The following USP54 variants were observed in gnomAD, a reference collection of about 807,000 sequenced individuals.
The protein encoded by USP54 is ubiquitin specific peptidase 54.
In USP54, 87 loss-of-function variants were observed where a neutral mutation model predicts 170.5. That is an observed-to-expected ratio of 0.51 (90% CI 0.43 to 0.61). USP54 has a LOEUF of 0.61. Ranked by LOEUF, USP54 falls within the 20% of genes least tolerant of loss-of-function variation. The pLI is 0.00. For synonymous variants in USP54, 655 were observed against 742.8 expected, an observed-to-expected ratio of 0.88 and a Z score of 1.92; for missense variants, 1,786 against 2,047.8, an observed-to-expected ratio of 0.87 and a Z score of 2.47.
At chr10:73,537,051 A>G (rs374434342) in intron 10 of USP54, among the ~76,000 whole-genome samples, 2 of 152,218 alleles carry the variant, frequency 1.3e-5, no homozygotes, top group African/African-American at 2.4e-5. Flanking sequence ...CAGCCACAGA[A>G]TCAATTCAAC....
chr10:73,598,050 A>G (rs1027530786), intron 1 of USP54, among the ~76,000 whole-genome samples: 5 of 152,062 alleles, frequency 3.3e-5, no homozygotes, highest in Non-Finnish European at 5.9e-5. Flanking sequence ...ACGCCACTGC[A>G]CTCCAGCCTG....
chr10:73,574,788 G>A (rs936694111), intron 3 of USP54, among the ~76,000 whole-genome samples: 9 of 151,264 alleles, frequency 5.9e-5, no homozygotes, highest in Non-Finnish European at 1.2e-4. Context: ...GAGCCCTGGA[G>A]GTCAAGGCTG....
intron 7 of USP54, 124 bp downstream of exon 7, chr10:73,542,679 C>A: frequency 3.3e-6 from 3 of 920,646 alleles, no homozygotes; most frequent in Non-Finnish European, 4.9e-6. Flanking sequence ...TGCAGTAAGC[C>A]GAGATTGTGC....
intron 4 of USP54, among the ~76,000 whole-genome samples, chr10:73,567,706 C>G (rs1270854468): frequency 6.6e-6 from 1 of 152,066 alleles, no homozygotes. Context: ...AATGTTATGC[C>G]TTGATGCAAC....
Position 73,517,273 on chromosome 10 carries a change from G to C in USP54, c.3153C>G (p.His1051Gln). The C allele has an allele frequency of 1.2e-6, 2 of 1,613,864 alleles. No homozygotes were observed. The highest frequency in any genetic ancestry group is 1.7e-6 in the Non-Finnish European group (2 of 1,179,828). ...GIATSERGDE[H>Q]SLGCSPSNSS... ...AATTTGAAGGACTACAGCCTAGGCTGTGTTCATCACCCCTCTCAGAGGTGG... is the reference window on the plus strand; with the variant it reads ...AATTTGAAGGACTACAGCCTAGGCTCTGTTCATCACCCCTCTCAGAGGTGG... Residue 1051 changes from histidine (H) to glutamine (Q), a missense_variant, in exon 20 of 24, where the codon CAC becomes CAG. By Grantham distance (24) the His-to-Gln change is conservative. This residue lies in a region of USP54 where 1,418 missense variants were observed against 1,569.0 expected (regional missense o/e 0.90). Transcript: ENST00000687698.
chr10:73,619,131 T>TG lies in USP54; in HGVS notation c.-18+6435dup, dbSNP rs537110509. 2.6e-4 allele frequency among the ~76,000 whole-genome samples: 39 copies of TG among 150,502 alleles called. No individual in the cohort carries two copies. In the South Asian group the frequency reaches 7.7e-3, roughly 30 times the overall value. On this transcript the variant is annotated intron_variant, in intron 1 of 22. Coordinates refer to the USP54 transcript ENST00000339859. ...GGGAGGCTGAAGCATGGGAATCACT[T>TG]GAACCCAGGAGGTGAAGGTTGCATT... is the stretch of plus-strand genomic sequence containing the variant.
intron 1 of USP54, among the ~76,000 whole-genome samples, chr10:73,613,119 T>TGCATTCCA (rs1314431470): frequency 1.5e-4 from 22 of 148,806 alleles, no homozygotes; most frequent in African/African-American, 5.2e-4. Context: ...ACCGTGCTAC[T>TGCATTCCA]GCATTCCAGC....
At chr10:73,543,738 A>G (rs945270500) in intron 5 of USP54, among the ~76,000 whole-genome samples, 5 of 152,118 alleles carry the variant, frequency 3.3e-5, no homozygotes, top group East Asian at 1.9e-4. Flanking sequence ...CCAGTTTTAC[A>G]TGCATTCATT....
Position 73,499,334 on chromosome 10 carries a change from G to A in USP54, c.4496-146C>T, listed in dbSNP as rs537511860. ...AAAGAATGAATCAAGCTGTGCTTTTGATTCCATTTCTTAAAATTCTTAATA... is the reference window on the plus strand; with the variant it reads ...AAAGAATGAATCAAGCTGTGCTTTTAATTCCATTTCTTAAAATTCTTAATA... On this transcript the variant is annotated intron_variant, in intron 23 of 23. Coordinates refer to ENST00000687698, the MANE Select transcript of USP54 (RefSeq NM_001391956.1). 1.3e-5 allele frequency: 11 copies of A among 851,934 alleles called. No homozygotes were observed. In the African/African-American group the frequency reaches 1.7e-4, roughly 13 times the overall value. The allele number at this position is 851,934 out of a possible 1,614,324, so 52.8% of individuals were successfully genotyped here. A position where few individuals can be genotyped will look rare whatever the true frequency, so the allele number is the denominator to read the frequency against.
At chr10:73,561,123 A>G (rs867585826) in intron 4 of USP54, among the ~76,000 whole-genome samples, 297 of 151,038 alleles carry the variant, frequency 2.0e-3, no homozygotes, top group African/African-American at 6.5e-3. Flanking sequence ...AAAAAAAAAA[A>G]AAAAAGAAAT....
rs779247821 is a variant in USP54, at chr10:73,498,732, G to C, written c.4952C>G (p.Ser1651Cys). The change falls in exon 24 of 24, where the codon TCT becomes TGT. Residue 1651 changes from serine to cysteine, a missense_variant. By Grantham distance (112) the Ser-to-Cys change is moderately radical (BLOSUM62 -1). Around this residue, in one of 3 missense-constraint regions of USP54, gnomAD observed 1,418 missense variants for 1,569.0 expected, o/e 0.90. Transcript: ENST00000687698. Reference sequence around the variant, plus strand: ...CTCTCCCACTGTTCTCCTGTGTCCAGAGTGGGAGGCATAACTGCTTTGCCT... The same window carrying C: ...CTCTCCCACTGTTCTCCTGTGTCCACAGTGGGAGGCATAACTGCTTTGCCT... ...DWRQSSYASH[S>C]GHRRTVGEGF... 6.2e-6 allele frequency: 10 copies of C among 1,613,676 alleles called. No individual in the cohort carries two copies. Among genetic ancestry groups the C allele is most frequent in the Admixed American group, 5.0e-5 (3 of 59,954 alleles).
rs182023858 is a variant in USP54 at position 73,566,723 on chromosome 10, T to C, written c.240+4698A>G. Among the ~76,000 whole-genome samples, 28 of 151,518 alleles carry C rather than the reference T, an allele frequency of 1.8e-4. 1 individual carries two copies. Among genetic ancestry groups the C allele is most frequent in the African/African-American group, 6.5e-4 (27 of 41,338 alleles). The stretch of plus-strand genomic sequence containing the variant: ...TCCAGCCTGGGCGACACAGTGAGAC[T>C]CTGTCTCAAAAAAACAAACAAAAAA... On this transcript the variant is annotated intron_variant, in intron 4 of 23. Coordinates refer to ENST00000687698, the MANE Select transcript of USP54 (RefSeq NM_001391956.1).
chr10:73,514,044 T>C (rs1163328523), intron 20 of USP54, among the ~76,000 whole-genome samples: 2 of 152,118 alleles, frequency 1.3e-5, no homozygotes, highest in Non-Finnish European at 2.9e-5. Context: ...CTTGAACTCC[T>C]GACCTTGGGT....
At chr10:73,518,335 A>C in intron 19 of USP54, 1 of 694,364 alleles carries the variant, frequency 1.4e-6, no homozygotes, top group African/African-American at 1.9e-5. Context: ...AGTCACTGAG[A>C]TGTTTCCCCA....
chr10:73,498,644 C>T lies in USP54; in HGVS notation c.5040G>A (p.Gln1680=), dbSNP rs1320449954. ...RREQIRARVL[Q]HSQW ...GGAATAACCTTTACCATTGACTGTG[C>T]TGCAGGACTCTAGCCCTGATCTGCT... Residue 1680 remains glutamine, a synonymous_variant, in exon 24 of 24, where the codon CAG becomes CAA. Coordinates refer to ENST00000687698, the MANE Select transcript of USP54 (RefSeq NM_001391956.1). The T allele has an allele frequency of 2.6e-6, 4 of 1,544,620 alleles. No homozygotes were observed. The highest frequency in any genetic ancestry group is 3.5e-6 in the Non-Finnish European group (4 of 1,145,212).
intron 1 of USP54, among the ~76,000 whole-genome samples, chr10:73,606,175 C>CAAAAAA (rs1178699732): frequency 3.9e-5 from 1 of 25,590 alleles, no homozygotes; most frequent in Non-Finnish European, 9.8e-5. Context: ...GAGGCTGTCT[C>CAAAAAA]AAAAAAAAAA....
chr10:73,561,469 A>T (rs1027296695), intron 4 of USP54, among the ~76,000 whole-genome samples: 1 of 152,060 alleles, frequency 6.6e-6, no homozygotes, highest in African/African-American at 2.4e-5. Flanking sequence ...CATTTTTTTT[A>T]ATTAAAAAAT....
chr10:73,604,951 A>G (rs1400964277), intron 1 of USP54, among the ~76,000 whole-genome samples: 2 of 151,912 alleles, frequency 1.3e-5, no homozygotes, highest in Non-Finnish European at 2.9e-5. Context: ...TTTTATTCCC[A>G]TATTTGTCCC....
chr10:73,546,588 G>A (rs1191382268), intron 4 of USP54: 2 of 152,126 alleles, frequency 1.3e-5, no homozygotes, highest in African/African-American at 4.8e-5. Context: ...TCTCACCTTG[G>A]CCTCTAAAAT....
Sources: gnomAD v4.1 joint callset for allele counts (sites outside exome capture counted in the v4.1 genomes callset) on GRCh38, gnomAD v4.1.1 for gene constraint, gnomAD v4.1.1 regional missense constraint, MANE v1.5 for transcripts, NCBI Gene and HGNC (gene_info 2026-07-23, HGNC 2026-07-21) for gene names.